The following SORBS2 variants were observed in gnomAD, a reference collection of about 807,000 sequenced individuals.
The protein encoded by SORBS2 is sorbin and SH3 domain-containing protein 2.
A neutral mutation model predicts 97.7 loss-of-function variants in SORBS2; 46 were observed. That is an observed-to-expected ratio of 0.47 (90% confidence interval 0.37 to 0.60). The LOEUF is 0.60. SORBS2 is among the 20% of genes least tolerant of loss of function. The pLI is 0.00. For synonymous variants in SORBS2, 476 were observed against 473.4 expected (o/e 1.01, Z -0.07); for missense variants, 1,316 against 1,282.3 (o/e 1.03, Z -0.40).
chr4:185,754,457 C>A (rs774283620), intron 2 of SORBS2, among the ~76,000 whole-genome samples: 1 of 152,048 alleles, frequency 6.6e-6, no homozygotes, highest in Non-Finnish European at 1.5e-5. Flanking sequence ...TGCACATGTA[C>A]CCCTGAACTT....
Position 185,651,845 on chromosome 4 carries a change from A to ATCT in SORBS2, c.91+816_91+817insAGA, listed in dbSNP as rs1290121355. ...TGTCATCATCTAGAAAATGAAACATAAATATTATGGTAATATAGATTGTCA... is the reference window on the plus strand; with the variant it reads ...TGTCATCATCTAGAAAATGAAACATATCTAATATTATGGTAATATAGATTGTCA... On this transcript the variant is annotated intron_variant, in intron 2 of 14. Transcript: ENST00000418609. 5.0e-6 allele frequency: 6 copies of ATCT among 1,210,020 alleles called. No homozygotes were observed. Among genetic ancestry groups the ATCT allele is most frequent in the African/African-American group, 1.5e-5 (1 of 66,938 alleles). The allele number at this position is 1,210,020 out of a possible 1,614,324, so 75.0% of individuals were successfully genotyped here.
chr4:185,807,794 C>G (rs2099163221), intron 1 of SORBS2, among the ~76,000 whole-genome samples: 1 of 152,172 alleles, frequency 6.6e-6, no homozygotes, highest in South Asian at 2.1e-4. Context: ...TAGGATTTAA[C>G]AGGCATATCC....
At chr4:185,649,426 C>T (rs1306984768) in intron 3 of SORBS2, 41 bp downstream of exon 12, 10 of 1,482,204 alleles carry the variant, frequency 6.7e-6, no homozygotes, top group Non-Finnish European at 9.0e-6. Flanking sequence ...TTATTTTTAT[C>T]CTAAGCGAAA....
upstream of SORBS2, chr4:185,657,239 T>TAATTCTCTCA: frequency 2.0e-6 from 1 of 489,454 alleles, no homozygotes; most frequent in Non-Finnish European, 3.4e-6. Context: ...ACAGATTGTG[T>TAATTCTCTCA]AATTCTCTCC....
intron 1 of SORBS2, among the ~76,000 whole-genome samples, chr4:185,778,570 C>T (rs1374267535): frequency 6.6e-6 from 1 of 152,072 alleles, no homozygotes; most frequent in East Asian, 1.9e-4. Flanking sequence ...GTCTGTCATC[C>T]CTGGGTGAAT....
At chr4:185,689,596 G>A (rs977012089) in intron 2 of SORBS2, among the ~76,000 whole-genome samples, 2 of 152,104 alleles carry the variant, frequency 1.3e-5, no homozygotes, top group African/African-American at 4.8e-5. Context: ...CCAGGAGCCC[G>A]CCCGCACAGC....
At chr4:185,609,910 A>G (rs979467976) in intron 12 of SORBS2, among the ~76,000 whole-genome samples, 1 of 152,244 alleles carries the variant, frequency 6.6e-6, no homozygotes, top group African/African-American at 2.4e-5. Flanking sequence ...ACATCACAGC[A>G]TGGATTACCA....
chr4:185,918,383 G>C (rs1237788232), intron 1 of SORBS2: 1 of 152,218 alleles, frequency 6.6e-6, no homozygotes, highest in Non-Finnish European at 1.5e-5. Flanking sequence ...TTGTTTACGA[G>C]TAATTTCTCT....
exon 12 of SORBS2, chr4:185,611,878 C>G (rs374084265): frequency 5.6e-6 from 9 of 1,613,888 alleles, no homozygotes; most frequent in Admixed American, 1.7e-5. Flanking sequence ...TTCTTGACGA[C>G]CTCCACATAG....
intron 1 of SORBS2, among the ~76,000 whole-genome samples, chr4:185,865,067 C>T (rs1311525474): frequency 6.6e-6 from 1 of 152,112 alleles, no homozygotes; most frequent in Non-Finnish European, 1.5e-5. Flanking sequence ...TTCTTGCTAC[C>T]TTCCCAGCTC....
intron 2 of SORBS2, among the ~76,000 whole-genome samples, chr4:185,706,287 T>A (rs10004511): frequency 1.3e-5 from 2 of 152,074 alleles, no homozygotes; most frequent in Non-Finnish European, 2.9e-5. Context: ...AGAAAAATTC[T>A]CAGTACATGG....
intron 1 of SORBS2, among the ~76,000 whole-genome samples, chr4:185,938,243 C>T (rs2099269997): frequency 6.6e-6 from 1 of 152,020 alleles, no homozygotes; most frequent in African/African-American, 2.4e-5. Context: ...GGTCATCCAC[C>T]CGCCTCGGCC....
intron 1 of SORBS2, among the ~76,000 whole-genome samples, chr4:185,776,069 CT>C (rs1222638164): frequency 2.6e-5 from 4 of 152,108 alleles, no homozygotes; most frequent in African/African-American, 7.2e-5. Flanking sequence ...AACTTTGAGC[CT>C]TCATTTTGTT....
chr4:185,805,919 C>T (rs1011346173), intron 1 of SORBS2, among the ~76,000 whole-genome samples: 13 of 152,182 alleles, frequency 8.5e-5, no homozygotes, highest in African/African-American at 2.9e-4. Context: ...AACTTTAGCA[C>T]AGAGAACTGA....
At chr4:185,783,321 ACT>A (rs1294842990) in intron 1 of SORBS2, among the ~76,000 whole-genome samples, 1 of 151,938 alleles carries the variant, frequency 6.6e-6, no homozygotes, top group Non-Finnish European at 1.5e-5. Flanking sequence ...TTCTAAGCAG[ACT>A]CTCTCTCTAC....
intron 1 of SORBS2, among the ~76,000 whole-genome samples, chr4:185,843,090 A>G (rs981562204): frequency 6.6e-6 from 1 of 152,162 alleles, no homozygotes; most frequent in African/African-American, 2.4e-5. Context: ...ATGCAATAAC[A>G]CAGGGAGTGT....
At chr4:185,756,065 A>G (rs2098828664) in intron 2 of SORBS2, among the ~76,000 whole-genome samples, 1 of 152,230 alleles carries the variant, frequency 6.6e-6, no homozygotes, top group African/African-American at 2.4e-5. Context: ...AAGAATTTTC[A>G]TAGTATGCAA....
At chr4:185,908,418 A>C (rs990043141) in intron 1 of SORBS2, among the ~76,000 whole-genome samples, 1 of 134,358 alleles carries the variant, frequency 7.4e-6, no homozygotes, top group African/African-American at 3.3e-5. Flanking sequence ...ACCCAAAGAC[A>C]TCACAAAAAC....
intron 1 of SORBS2, among the ~76,000 whole-genome samples, chr4:185,799,769 C>T (rs1264782075): frequency 1.3e-5 from 2 of 152,186 alleles, no homozygotes; most frequent in South Asian, 2.1e-4. Context: ...ATCCAACACA[C>T]GTGCCTTTAA....
Sources: allele counts gnomAD v4.1 joint callset (sites outside exome capture counted in the v4.1 genomes callset), GRCh38; gene constraint gnomAD v4.1.1; transcripts MANE v1.5; gene names NCBI Gene and HGNC (gene_info 2026-07-23, HGNC 2026-07-21).